ERBB4: variants seen among roughly 807,000 people sequenced by gnomAD.
ERBB4 encodes receptor tyrosine-protein kinase erbB-4.
Under a neutral mutation model 158.0 loss-of-function variants are expected in ERBB4, and 42 were observed. The ratio of observed to expected loss-of-function variants is 0.27; its 90% CI spans 0.21 to 0.34. The LOEUF (loss-of-function observed/expected upper bound fraction) is 0.34. Ranked by LOEUF, ERBB4 falls within the 10% of genes least tolerant of loss-of-function variation. The pLI, the probability that ERBB4 is intolerant of heterozygous loss-of-function variation, is 1.00. For missense variants in ERBB4, 1,333 were observed against 1,624.1 expected, an observed-to-expected ratio of 0.82 and a Z score of 3.08; for synonymous variants, 583 against 558.7, an observed-to-expected ratio of 1.04 and a Z score of -0.61.
chr2:212,480,766 A>G (rs939841515), intron 1 of ERBB4, among the ~76,000 whole-genome samples: 17 of 152,200 alleles, frequency 1.1e-4, no homozygotes, highest in African/African-American at 3.6e-4. Context: ...TTTCATTGCT[A>G]TATTTGATTA....
At chr2:211,644,792 A>G (rs1055789557) in intron 16 of ERBB4, among the ~76,000 whole-genome samples, 2 of 152,034 alleles carry the variant, frequency 1.3e-5, no homozygotes, top group Non-Finnish European at 2.9e-5. Context: ...TGGAATAAAC[A>G]TAACGCTTCC....
intron 3 of ERBB4, among the ~76,000 whole-genome samples, chr2:211,822,719 A>G (rs1236774634): frequency 1.2e-4 from 17 of 144,716 alleles, no homozygotes; most frequent in Admixed American, 1.1e-3. Flanking sequence ...AGAATATTGT[A>G]TAACTATTTA....
At chr2:212,207,518 C>G (rs2082799740) in intron 1 of ERBB4, among the ~76,000 whole-genome samples, 1 of 152,120 alleles carries the variant, frequency 6.6e-6, no homozygotes, top group African/African-American at 2.4e-5. Context: ...TTTATTTCAA[C>G]TGCAGTGGAA....
chr2:212,510,449 C>T (rs1032703754), intron 1 of ERBB4, among the ~76,000 whole-genome samples: 1 of 151,726 alleles, frequency 6.6e-6, no homozygotes. Flanking sequence ...ACCTTGTCAC[C>T]TCACATCCCA....
chr2:211,397,750 GA>G (rs1266036808), intron 25 of ERBB4, among the ~76,000 whole-genome samples: 1 of 152,140 alleles, frequency 6.6e-6, no homozygotes, highest in Non-Finnish European at 1.5e-5. Flanking sequence ...CGGCTCCGTG[GA>G]AAATAGGACT....
intron 1 of ERBB4, among the ~76,000 whole-genome samples, chr2:212,504,739 C>A (rs112576537): frequency 0.012 from 1,890 of 152,084 alleles, 41 homozygotes; most frequent in African/African-American, 0.043. Context: ...TTTTTATGTA[C>A]AATAAAGTTT....
chr2:211,768,766 T>G (rs2075619904), intron 4 of ERBB4, among the ~76,000 whole-genome samples: 1 of 143,150 alleles, frequency 7.0e-6, no homozygotes, highest in South Asian at 2.3e-4. Context: ...TTTTTCCTCC[T>G]AGGCCTTTTG....
intron 1 of ERBB4, among the ~76,000 whole-genome samples, chr2:212,245,438 AAGTG>A (rs756852445): frequency 2.6e-5 from 4 of 152,166 alleles, no homozygotes; most frequent in Non-Finnish European, 5.9e-5. Context: ...CTATAATGGT[AAGTG>A]AGTAACTCAA....
intron 2 of ERBB4, among the ~76,000 whole-genome samples, chr2:212,028,309 C>A (rs2076820913): frequency 6.6e-6 from 1 of 152,144 alleles, no homozygotes; most frequent in African/African-American, 2.4e-5. Context: ...TGTCTACGAC[C>A]TAAGCGACTC....
At chr2:211,575,128 G>A (rs886109240) in intron 19 of ERBB4, among the ~76,000 whole-genome samples, 3 of 152,176 alleles carry the variant, frequency 2.0e-5, no homozygotes, top group Admixed American at 6.5e-5. Flanking sequence ...CCATAGCCTA[G>A]TCTCTTTCTG....
chr2:211,389,355 G>C (rs1200696209), intron 25 of ERBB4, among the ~76,000 whole-genome samples: 1 of 152,074 alleles, frequency 6.6e-6, no homozygotes, highest in African/African-American at 2.4e-5. Context: ...TATTATTCCA[G>C]GTCAATGTTC....
chr2:211,429,795 T>C (rs1447662337), intron 21 of ERBB4, among the ~76,000 whole-genome samples: 2 of 152,144 alleles, frequency 1.3e-5, no homozygotes, highest in African/African-American at 4.8e-5. Context: ...CTACGGACAT[T>C]GTGTTAAAGA....
chr2:212,003,547 C>T lies in ERBB4; in HGVS notation c.235-55931G>A, dbSNP rs555311616. 7.9e-5 allele frequency among the ~76,000 whole-genome samples: 12 copies of T among 152,206 alleles called. No homozygotes were observed. The South Asian group carries it at 2.5e-3, about 32-fold the overall frequency. On this transcript the variant is annotated intron_variant, in intron 2 of 27. Transcript: ENST00000342788. Reference sequence around the variant, plus strand: ...TGGAATGGAAAACACCACCTCTCTACACCCAAGTAACAAAAGGATCAGAGG... The same window carrying T: ...TGGAATGGAAAACACCACCTCTCTATACCCAAGTAACAAAAGGATCAGAGG...
intron 18 of ERBB4, among the ~76,000 whole-genome samples, chr2:211,623,688 A>G (rs907139760): frequency 1.3e-5 from 2 of 152,158 alleles, no homozygotes; most frequent in Admixed American, 6.6e-5. Context: ...GAAAAAAACT[A>G]TACTTGGCTT....
At chr2:211,648,021 T>C (rs1228722218) in intron 16 of ERBB4, among the ~76,000 whole-genome samples, 1 of 151,804 alleles carries the variant, frequency 6.6e-6, no homozygotes, top group Admixed American at 6.6e-5. Context: ...ACTTTCTACA[T>C]ATGGAATCTC....
rs549820658 is a variant in ERBB4 at position 212,344,861 on chromosome 2, G to A, written c.82+193588C>T. ...ATTACCAGTTGTCAAATTTCAGTGG[G>A]CAGATAATTAAACTCTAAGACTCTT... On this transcript the variant is annotated intron_variant, in intron 1 of 27. Transcript: ENST00000342788. 2.0e-5 allele frequency among the ~76,000 whole-genome samples: 3 copies of A among 152,158 alleles called. No homozygotes were observed. The South Asian group carries it at 6.2e-4, about 32-fold the overall frequency.
intron 1 of ERBB4, among the ~76,000 whole-genome samples, chr2:212,134,746 C>G (rs1194349877): frequency 1.6e-5 from 2 of 128,820 alleles, no homozygotes; most frequent in African/African-American, 3.0e-5. Flanking sequence ...TGCAGAGGTG[C>G]AATCTCGGCT....
intron 2 of ERBB4, among the ~76,000 whole-genome samples, chr2:212,072,148 G>A (rs1366452029): frequency 6.6e-6 from 1 of 151,878 alleles, no homozygotes; most frequent in African/African-American, 2.4e-5. Context: ...TCAGGTCAAG[G>A]GACAGTGAAT....
intron 1 of ERBB4, among the ~76,000 whole-genome samples, chr2:212,314,745 T>C (rs1039362443): frequency 6.6e-6 from 1 of 151,228 alleles, no homozygotes; most frequent in Non-Finnish European, 1.5e-5. Context: ...AACTGCTTAA[T>C]TGTGATCTCC....
Sources: allele counts gnomAD v4.1 joint callset (sites outside exome capture counted in the v4.1 genomes callset), GRCh38; gene constraint gnomAD v4.1.1; transcripts MANE v1.5; gene names NCBI Gene and HGNC (gene_info 2026-07-23, HGNC 2026-07-21).